Variants in CTDSPL2 observed in about 807,000 individuals in gnomAD.
The protein encoded by CTDSPL2 is CTD small phosphatase like 2, also known as CTD small phosphatase-like protein 2.
CTDSPL2 carries 5 observed loss-of-function variants against 60.0 expected under a neutral mutation model. The observed-to-expected ratio is 0.08, with a 90% CI of 0.04 to 0.18. The LOEUF (loss-of-function observed/expected upper bound fraction) is 0.18, where lower values mean the gene tolerates loss of function less well. Ranked by LOEUF, CTDSPL2 falls within the 10% of genes least tolerant of loss-of-function variation. The pLI is 1.00. For missense variants in CTDSPL2, 370 were observed against 548.8 expected, an observed-to-expected ratio of 0.67 and a Z score of 3.26; for synonymous variants, 186 against 189.3, an observed-to-expected ratio of 0.98 and a Z score of 0.14.
intron 2 of CTDSPL2, among the ~76,000 whole-genome samples, chr15:44,466,166 A>G (rs1481922825): frequency 6.6e-6 from 1 of 151,628 alleles, no homozygotes; most frequent in East Asian, 1.9e-4. Flanking sequence ...CGAACTCCTG[A>G]CCTCAGATGA....
chr15:44,510,382 A>G (rs2140856028), intron 8 of CTDSPL2, among the ~76,000 whole-genome samples: 1 of 152,276 alleles, frequency 6.6e-6, no homozygotes, highest in East Asian at 1.9e-4. Context: ...CTGTATCTTC[A>G]AGTAGTAGTC....
chr15:44,488,792 C>G (rs958899642), intron 4 of CTDSPL2, among the ~76,000 whole-genome samples: 1 of 152,134 alleles, frequency 6.6e-6, no homozygotes, highest in Non-Finnish European at 1.5e-5. Flanking sequence ...GCACTCCAGC[C>G]TGGGCAACAA....
chr15:44,519,655 A>C (rs1358570694), intron 11 of CTDSPL2: 2 of 162,566 alleles, frequency 1.2e-5, no homozygotes, highest in Non-Finnish European at 2.7e-5. Context: ...TAATGTTCTG[A>C]AATATTTTCT....
chr15:44,479,090 A>T (rs75116752), intron 2 of CTDSPL2, among the ~76,000 whole-genome samples: 1 of 151,534 alleles, frequency 6.6e-6, no homozygotes, highest in Non-Finnish European at 1.5e-5. Context: ...AAAAAAAAAA[A>T]CAAGTTTTCT....
intron 1 of CTDSPL2, 70 bp from the exon 2 acceptor site, chr15:44,458,921 C>A: frequency 1.9e-6 from 2 of 1,026,678 alleles, no homozygotes; most frequent in Non-Finnish European, 2.7e-6. Flanking sequence ...AAGCTGGGCA[C>A]ATTTGGGTAG....
rs182563487 is a variant in CTDSPL2 at position 44,462,637 on chromosome 15, G to A, written c.186+3437G>A. On this transcript the variant is annotated intron_variant, in intron 2 of 12. Coordinates refer to ENST00000260327, the MANE Select transcript of CTDSPL2 (RefSeq NM_016396.3). ...TTCTCTGTGGCCTCATTCCTAACAG[G>A]CCATGGACTGGTACCGTTCCATGGC... 2.2e-4 allele frequency among the ~76,000 whole-genome samples: 34 copies of A among 151,226 alleles called. No individual in the cohort carries two copies. In the East Asian group the frequency reaches 6.6e-3, roughly 29 times the overall value.
Position 44,526,130 on chromosome 15 carries a change from G to A in CTDSPL2, c.*1956G>A, listed in dbSNP as rs2081868438. On this transcript the variant is annotated 3_prime_UTR_variant, in exon 13 of 13. Transcript: ENST00000260327. ...CTTTAGGGCATCTGGGCATCTTTAT[G>A]CTGTTTGTCTTCTGTCTTTCTTGAA... is the stretch of plus-strand genomic sequence containing the variant. The A allele has an allele frequency of 6.6e-6, 1 of 152,080 alleles. No homozygotes were observed. The allele number at this position is 152,080 out of a possible 1,614,324, so 9.4% of individuals were successfully genotyped here.
At chr15:44,482,281 A>G (rs970795076) in intron 2 of CTDSPL2, among the ~76,000 whole-genome samples, 1 of 152,090 alleles carries the variant, frequency 6.6e-6, no homozygotes, top group South Asian at 2.1e-4. Context: ...GATTACAGGC[A>G]TGTGTCACCA....
rs2081201984 is a variant in CTDSPL2, at chr15:44,490,874, C to T, written c.566C>T (p.Thr189Ile). The change falls in exon 5 of 13, where the codon ACC (threonine) becomes ATC (isoleucine). Residue 189 changes from threonine (T) to isoleucine (I), a missense_variant. Physicochemically the swap from Thr to Ile is moderately conservative, Grantham distance 89 (BLOSUM62 -1). Transcript: ENST00000260327. The part of the protein sequence containing the change: ...LDMEQVDEIT[T>I]STTTSTNGAA... ...ATGGAACAGGTGGATGAGATCACTA[C>T]CAGTACTACTACATCAACTAATGGA... 1 of 1,613,698 alleles carries T rather than the reference C, an allele frequency of 6.2e-7. No individual in the cohort carries two copies. The highest frequency in any genetic ancestry group is 1.3e-5 in the African/African-American group (1 of 74,884).
intron 10 of CTDSPL2, among the ~76,000 whole-genome samples, chr15:44,515,477 A>G (rs1222724759): frequency 5.3e-5 from 8 of 152,106 alleles, no homozygotes; most frequent in Non-Finnish European, 1.2e-4. Context: ...CTGAAGTGAG[A>G]TAGTAAGACT....
intron 1 of CTDSPL2, among the ~76,000 whole-genome samples, chr15:44,433,222 G>T (rs1168790584): frequency 6.6e-6 from 1 of 151,538 alleles, no homozygotes; most frequent in Non-Finnish European, 1.5e-5. Flanking sequence ...GGCTGAGTAG[G>T]GGGAATTGCT....
chr15:44,480,776 T>G (rs967636482), intron 2 of CTDSPL2, among the ~76,000 whole-genome samples: 1 of 151,852 alleles, frequency 6.6e-6, no homozygotes, highest in Non-Finnish European at 1.5e-5. Context: ...GAGGCTGTAG[T>G]GAGCCATGAC....
chr15:44,461,236 T>G (rs574248581), intron 2 of CTDSPL2, among the ~76,000 whole-genome samples: 2 of 152,316 alleles, frequency 1.3e-5, no homozygotes, highest in South Asian at 4.1e-4. Context: ...ATGTGGAGTT[T>G]AGGGATGCTG....
At chr15:44,501,380 T>C (rs1360347490) in intron 8 of CTDSPL2, among the ~76,000 whole-genome samples, 1 of 152,092 alleles carries the variant, frequency 6.6e-6, no homozygotes, top group African/African-American at 2.4e-5. Context: ...ATAAGAAACT[T>C]AAGTAGGTAA....
At chr15:44,435,109 A>G (rs2079946949) in intron 1 of CTDSPL2, among the ~76,000 whole-genome samples, 1 of 151,824 alleles carries the variant, frequency 6.6e-6, no homozygotes, top group South Asian at 2.1e-4. Flanking sequence ...AAAATACAAA[A>G]ATTAGCTGGG....
intron 8 of CTDSPL2, among the ~76,000 whole-genome samples, chr15:44,511,883 A>G (rs1211869017): frequency 5.3e-5 from 8 of 150,948 alleles, no homozygotes; most frequent in Non-Finnish European, 7.4e-5. Context: ...AAAAAAAAAA[A>G]AAAAAAAAAG....
intron 8 of CTDSPL2, among the ~76,000 whole-genome samples, chr15:44,500,984 C>G (rs987451135): frequency 3.9e-5 from 6 of 152,070 alleles, no homozygotes; most frequent in African/African-American, 1.4e-4. Flanking sequence ...AAAGATTTTT[C>G]TGTTCCCTTT....
At chr15:44,486,796 T>C (rs1209798283) in intron 4 of CTDSPL2, 96 bp downstream of exon 4, 1 of 947,714 alleles carries the variant, frequency 1.1e-6, no homozygotes, top group African/African-American at 1.7e-5. Context: ...AAGTCTCTCT[T>C]TGTTGCCCAG....
intron 8 of CTDSPL2, among the ~76,000 whole-genome samples, chr15:44,506,375 A>C (rs1020237512): frequency 6.9e-6 from 1 of 145,820 alleles, no homozygotes; most frequent in African/African-American, 2.6e-5. Flanking sequence ...TAAATCACCT[A>C]TATGAATACA....
Sources: allele counts gnomAD v4.1 joint callset (sites outside exome capture counted in the v4.1 genomes callset), GRCh38; gene constraint gnomAD v4.1.1; transcripts MANE v1.5; gene names NCBI Gene and HGNC (gene_info 2026-07-23, HGNC 2026-07-21).